HINT3: variants seen among roughly 807,000 people sequenced by gnomAD.
HINT3 encodes the protein adenosine 5'-monophosphoramidase HINT3.
HINT3 carries 16 observed loss-of-function variants against 19.1 expected under a neutral mutation model. The ratio of observed to expected loss-of-function variants is 0.84; its 90% CI spans 0.57 to 1.27. The LOEUF is 1.27. Ranked by LOEUF, HINT3 falls within the 50% of genes most tolerant of loss-of-function variation. The pLI is 0.00. For missense variants in HINT3, 197 were observed against 225.8 expected (o/e 0.87, Z 0.82); for synonymous variants, 75 against 84.8 (o/e 0.88, Z 0.63).
At chr6:125,975,336 C>CTAT (rs1410718142) in intron 4 of HINT3, among the ~76,000 whole-genome samples, 1 of 152,112 alleles carries the variant, frequency 6.6e-6, no homozygotes, top group East Asian at 1.9e-4. Context: ...AGGTCTTTAT[C>CTAT]TATTACCTGC....
At chr6:125,962,229 TATATACACATATATATATATACAC>T (rs1788944455) in intron 1 of HINT3, among the ~76,000 whole-genome samples, 2 of 33,080 alleles carry the variant, frequency 6.0e-5, no homozygotes, top group South Asian at 1.1e-3. Context: ...TATATATATA[TATATACACATATATATATATACAC>T]ACATATATAT....
At chr6:125,959,392 T>G (rs1788886402) in intron 1 of HINT3, among the ~76,000 whole-genome samples, 1 of 151,570 alleles carries the variant, frequency 6.6e-6, no homozygotes. Flanking sequence ...GAGAAGGGAG[T>G]ATGTCAAAAA....
In HINT3 at chr6:125,977,766, T is replaced by C. The variant is rs1003897757; in HGVS notation, c.*90T>C. 4 of 731,322 alleles carry C rather than the reference T, an allele frequency of 5.5e-6. No homozygotes were observed. The Admixed American group carries it at 8.6e-5, about 16-fold the overall frequency. 45.3% of individuals were successfully genotyped at this position (731,322 alleles called of 1,614,324 possible). A position where few individuals can be genotyped will look rare whatever the true frequency, so the allele number is the denominator to read the frequency against. On this transcript the variant is annotated 3_prime_UTR_variant, in exon 5 of 5. Coordinates refer to ENST00000229633, the MANE Select transcript of HINT3 (RefSeq NM_138571.5). ...TAAGTCTAATTGCAATTTTAAGATT[T>C]GTTGGGTTTTATGAGAGGCTGTTAC...
chr6:125,977,310 C>T (rs1432495767), intron 4 of HINT3, among the ~76,000 whole-genome samples: 1 of 152,146 alleles, frequency 6.6e-6, no homozygotes, highest in African/African-American at 2.4e-5. Context: ...TGGAATCCTA[C>T]AGTATGTAGC....
intron 4 of HINT3, among the ~76,000 whole-genome samples, chr6:125,975,977 A>G (rs1342964651): frequency 6.6e-6 from 1 of 152,188 alleles, no homozygotes; most frequent in African/African-American, 2.4e-5. Context: ...GTCAGCCCTT[A>G]GATATTAAGT....
chr6:125,976,270 G>A (rs947425389), intron 4 of HINT3, among the ~76,000 whole-genome samples: 20 of 152,082 alleles, frequency 1.3e-4, no homozygotes, highest in African/African-American at 4.8e-4. Context: ...AATTAGCTGG[G>A]TATGGTGGTG....
chr6:125,972,913 A>G (rs1246069087), intron 3 of HINT3, among the ~76,000 whole-genome samples: 1 of 151,982 alleles, frequency 6.6e-6, no homozygotes, highest in African/African-American at 2.4e-5. Flanking sequence ...TTTGTTCAAT[A>G]TGGGCATTCC....
At chr6:125,972,763 T>TG (rs2128711834) in intron 3 of HINT3, among the ~76,000 whole-genome samples, 1 of 152,038 alleles carries the variant, frequency 6.6e-6, no homozygotes, top group East Asian at 1.9e-4. Flanking sequence ...AATTTTAAAA[T>TG]TTTTTAGGTA....
intron 1 of HINT3, 88 bp downstream of exon 1, chr6:125,957,266 T>A: frequency 7.4e-7 from 1 of 1,347,998 alleles, no homozygotes; most frequent in Non-Finnish European, 1.0e-6. Context: ...GTGGAGCGGG[T>A]GCAGAGGATC....
chr6:125,973,757 TTA>T (rs1456414036), intron 3 of HINT3, among the ~76,000 whole-genome samples: 3 of 152,218 alleles, frequency 2.0e-5, no homozygotes, highest in African/African-American at 7.2e-5. Context: ...CATAGGATAC[TTA>T]TTAGAAGAAT....
chr6:125,970,879 C>A (rs1210243800), intron 2 of HINT3, among the ~76,000 whole-genome samples: 2 of 152,082 alleles, frequency 1.3e-5, no homozygotes, highest in Admixed American at 6.5e-5. Flanking sequence ...TATAGTCTGG[C>A]TTGAAGTAAT....
rs1199439468 is a variant in HINT3, at chr6:125,957,085, C to G, written c.108C>G (p.Gly36=). The change falls in exon 1 of 5, where the codon GGC becomes GGG. Residue 36 remains glycine, a synonymous_variant. Transcript: ENST00000229633. ...CAGTGGGGACCTGTGAAGCCGCTGG[C>G]AAGTCACCAGAGCCCAAGGACTACG... ...VSSVGTCEAA[G]KSPEPKDYDS... is the part of the protein sequence containing the mutation. 4 of 1,550,840 alleles carry G rather than the reference C, an allele frequency of 2.6e-6. No homozygotes were observed. In the African/African-American group the frequency reaches 5.5e-5, roughly 21 times the overall value.
chr6:125,962,213 CATATAT>C (rs1215154343), intron 1 of HINT3, among the ~76,000 whole-genome samples: 1,408 of 36,284 alleles, frequency 0.039, 150 homozygotes, highest in Non-Finnish European at 0.043. Context: ...TATATATACA[CATATAT>C]ATATATATAT....
At position 125,979,148 on chromosome 6, in the gene HINT3, C is replaced by T. The variant is rs1442947627; in HGVS notation, c.*1472C>T. On this transcript the variant is annotated 3_prime_UTR_variant, in exon 5 of 5. Coordinates refer to ENST00000229633, the MANE Select transcript of HINT3 (RefSeq NM_138571.5). Reference sequence around the variant, plus strand: ...AGGCTGAGAAACTTACAAGTATTTTCGTTGAGTTCTGCTTCCACTATTATT... The same window carrying T: ...AGGCTGAGAAACTTACAAGTATTTTTGTTGAGTTCTGCTTCCACTATTATT... The T allele has an allele frequency of 1.3e-5, 2 of 152,198 alleles. No individual in the cohort carries two copies. Among genetic ancestry groups the T allele is most frequent in the African/African-American group, 2.4e-5 (1 of 41,544 alleles). The allele number at this position is 152,198 out of a possible 1,614,324, so 9.4% of individuals were successfully genotyped here.
Position 125,977,807 on chromosome 6 carries a change from C to G in HINT3, c.*131C>G. 1.9e-6 allele frequency: 1 copy of G among 522,200 alleles called. No homozygotes were observed. Among genetic ancestry groups the G allele is most frequent in the Non-Finnish European group, 3.5e-6 (1 of 286,038 alleles). The allele number at this position is 522,200 out of a possible 1,614,324, so 32.3% of individuals were successfully genotyped here. ...AGGCTGTTACTTAGTGGCCTTAAATCTTTTCTGAATGTCTGTTTCCTAAGA... is the reference window on the plus strand; with the variant it reads ...AGGCTGTTACTTAGTGGCCTTAAATGTTTTCTGAATGTCTGTTTCCTAAGA... On this transcript the variant is annotated 3_prime_UTR_variant, in exon 5 of 5. Coordinates refer to ENST00000229633, the MANE Select transcript of HINT3 (RefSeq NM_138571.5).
In HINT3 at chr6:125,968,764, G is replaced by A. The variant is rs1243728285; in HGVS notation, c.319+1760G>A. On this transcript the variant is annotated intron_variant, in intron 2 of 4. Coordinates refer to ENST00000229633, the MANE Select transcript of HINT3 (RefSeq NM_138571.5). ...TTTGATTTGCATTTCCTGATGATTA[G>A]TGATGTGGAGCATTTTTTTCATATT... 1.4e-4 allele frequency among the ~76,000 whole-genome samples: 21 copies of A among 152,174 alleles called. No individual in the cohort carries two copies. The South Asian group carries it at 2.3e-3, about 17-fold the overall frequency.
At chr6:125,970,272 G>T (rs969083788) in intron 2 of HINT3, among the ~76,000 whole-genome samples, 1 of 152,112 alleles carries the variant, frequency 6.6e-6, no homozygotes, top group Admixed American at 6.5e-5. Flanking sequence ...TATAACTACA[G>T]TACCCTGTAC....
At chr6:125,962,273 TACATATATATATACAC>T (rs1788950738) in intron 1 of HINT3, among the ~76,000 whole-genome samples, 3 of 26,080 alleles carry the variant, frequency 1.2e-4, no homozygotes, top group African/African-American at 1.9e-4. Context: ...TATATATACA[TACATATATATATACAC>T]ATATATATAT....
intron 2 of HINT3, among the ~76,000 whole-genome samples, chr6:125,967,622 G>A (rs1184918486): frequency 6.6e-6 from 1 of 152,050 alleles, no homozygotes; most frequent in East Asian, 1.9e-4. Context: ...GTGAGCCACC[G>A]TGCCTGGCCT....
Sources: gnomAD v4.1 joint callset for allele counts (sites outside exome capture counted in the v4.1 genomes callset) on GRCh38, gnomAD v4.1.1 for gene constraint, MANE v1.5 for transcripts, NCBI Gene and HGNC (gene_info 2026-07-23, HGNC 2026-07-21) for gene names.